The following GCNT2 variants were observed in gnomAD, a reference collection of about 807,000 sequenced individuals.
GCNT2 encodes the protein N-acetyllactosaminide beta-1,6-N-acetylglucosaminyl-transferase.
GCNT2 carries 34 observed loss-of-function variants against 34.2 expected under a neutral mutation model. The ratio of observed to expected loss-of-function variants is 1.00; its 90% CI spans 0.76 to 1.32. GCNT2 has a LOEUF of 1.32. Among genes scored for constraint, GCNT2 ranks in the 40% most tolerant of loss-of-function variants. The pLI is 0.00. For missense variants in GCNT2, 584 were observed against 489.4 expected (o/e 1.19, Z -1.82); for synonymous variants, 212 against 188.0 (o/e 1.13, Z -1.04).
At chr6:10,569,882 T>TCCTTCCTTC (rs1763471518) in intron 3 of GCNT2, among the ~76,000 whole-genome samples, 1 of 150,706 alleles carries the variant, frequency 6.6e-6, no homozygotes, top group African/African-American at 2.5e-5. Flanking sequence ...TCTTTCTCTT[T>TCCTTCCTTC]CTTTTTCTTT....
In GCNT2 at chr6:10,529,702, C is replaced by T. The variant is rs769855709; in HGVS notation, c.791C>T (p.Thr264Met). 7.4e-6 allele frequency: 12 copies of T among 1,613,968 alleles called. No homozygotes were observed. Among genetic ancestry groups the T allele is most frequent in the Middle Eastern group, 3.3e-4 (2 of 6,084 alleles). Residue 264 changes from threonine (T) to methionine (M), a missense_variant, in exon 3 of 5, where the codon ACG becomes ATG. Thr to Met is a moderately conservative substitution (Grantham distance 81, BLOSUM62 -1). Transcript: ENST00000495262. ...CATGACATGGTGATTTACTTTGGCA[C>T]GGCCTACGTGGCTCTCACAAGGGAC... ...PPHDMVIYFGTAYVALTRDFA... is the reference protein window; with the variant it reads ...PPHDMVIYFGMAYVALTRDFA...
intron 1 of GCNT2, among the ~76,000 whole-genome samples, chr6:10,525,198 A>C (rs1761127486): frequency 6.6e-6 from 1 of 152,210 alleles, no homozygotes; most frequent in African/African-American, 2.4e-5. Flanking sequence ...ATTAGTTTAC[A>C]TCCTGGAGAG....
chr6:10,535,409 T>C (rs529424882), intron 3 of GCNT2, among the ~76,000 whole-genome samples: 2 of 152,332 alleles, frequency 1.3e-5, no homozygotes, highest in South Asian at 4.1e-4. Flanking sequence ...CTTCCGTCTT[T>C]TACCCTTAAT....
At chr6:10,563,163 TAAAC>T (rs373928350) in intron 3 of GCNT2, among the ~76,000 whole-genome samples, 30 of 151,672 alleles carry the variant, frequency 2.0e-4, no homozygotes, top group African/African-American at 4.1e-4. Flanking sequence ...TCCAAGAAAA[TAAAC>T]AAATAAGCAC....
At chr6:10,525,616 TGAAAAA>T (rs1561774290) in intron 1 of GCNT2, among the ~76,000 whole-genome samples, 1 of 152,206 alleles carries the variant, frequency 6.6e-6, no homozygotes, top group Non-Finnish European at 1.5e-5. Flanking sequence ...ACTGGGTTGA[TGAAAAA>T]GGAAATAGGT....
Position 10,627,690 on chromosome 6 carries a change from CATA to C in GCNT2, c.*1085_*1087del, listed in dbSNP as rs988735941. The C allele has an allele frequency of 1.3e-4, 20 of 152,108 alleles. No individual in the cohort carries two copies. The highest frequency in any genetic ancestry group is 4.6e-4 in the African/African-American group (19 of 41,406). 9.4% of individuals were successfully genotyped at this position (152,108 alleles called of 1,614,324 possible). ...GACATGTACTGAGACAAAAAGGAAA[CATA>C]AGAGCTTTTTCACTCTAAAAATCTT... On this transcript the variant is annotated 3_prime_UTR_variant, in exon 5 of 5. Coordinates refer to ENST00000495262, the MANE Select transcript of GCNT2 (RefSeq NM_145649.5).
chr6:10,539,385 C>T (rs1423770315), intron 3 of GCNT2, among the ~76,000 whole-genome samples: 1 of 151,796 alleles, frequency 6.6e-6, no homozygotes, highest in Non-Finnish European at 1.5e-5. Flanking sequence ...GACGGGGTTT[C>T]TCCATGTTGG....
chr6:10,578,280 CTG>C, intron 3 of GCNT2, among the ~76,000 whole-genome samples: 1 of 151,170 alleles, frequency 6.6e-6, no homozygotes, highest in South Asian at 2.1e-4. Flanking sequence ...ACTCTGGAGT[CTG>C]AGGCAGGAGA....
At chr6:10,597,330 T>C (rs1764901682) in intron 3 of GCNT2, among the ~76,000 whole-genome samples, 2 of 152,002 alleles carry the variant, frequency 1.3e-5, no homozygotes, top group Admixed American at 1.3e-4. Context: ...GAATTTTTTG[T>C]ATTTTTAGTA....
At chr6:10,522,875 G>A (rs1349796489) in intron 1 of GCNT2, among the ~76,000 whole-genome samples, 7 of 152,162 alleles carry the variant, frequency 4.6e-5, no homozygotes, top group African/African-American at 1.7e-4. Context: ...CCCATTTATA[G>A]AATACACTCA....
intron 1 of GCNT2, among the ~76,000 whole-genome samples, chr6:10,523,698 C>T (rs1322876011): frequency 2.0e-5 from 3 of 151,910 alleles, no homozygotes; most frequent in African/African-American, 4.8e-5. Flanking sequence ...CAAGGCCGGG[C>T]GCTGTGGCTC....
In GCNT2 at chr6:10,532,209, G is replaced by C. The variant is rs182057710; in HGVS notation, c.925+2373G>C. On this transcript the variant is annotated intron_variant, in intron 3 of 4. Coordinates refer to ENST00000495262, the MANE Select transcript of GCNT2 (RefSeq NM_145649.5). ...CTCAGAGTCTGTGATCCTAATCAGG[G>C]GACTCAACAGAAACTTAAGGGAAAC... Among the ~76,000 whole-genome samples, 21 of 152,100 alleles carry C rather than the reference G, an allele frequency of 1.4e-4. No individual in the cohort carries two copies. The East Asian group carries it at 4.1e-3, about 29-fold the overall frequency.
At chr6:10,577,936 T>C (rs543780616) in intron 3 of GCNT2, among the ~76,000 whole-genome samples, 1 of 152,276 alleles carries the variant, frequency 6.6e-6, no homozygotes, top group South Asian at 2.1e-4. Context: ...ATAACACTTA[T>C]TCCTTGATTT....
At chr6:10,543,844 C>T (rs1210714238) in intron 3 of GCNT2, among the ~76,000 whole-genome samples, 2 of 152,112 alleles carry the variant, frequency 1.3e-5, no homozygotes, top group Admixed American at 6.5e-5. Flanking sequence ...TGCCCAAGGA[C>T]GCCCAGCTAG....
In GCNT2 at chr6:10,546,080, C is replaced by T. The variant is rs1285363239; in HGVS notation, c.925+16244C>T. Among the ~76,000 whole-genome samples the T allele has an allele frequency of 2.6e-5, 4 of 152,154 alleles. No individual in the cohort carries two copies. In the East Asian group the frequency reaches 5.8e-4, roughly 22 times the overall value. On this transcript the variant is annotated intron_variant, in intron 3 of 4. Coordinates refer to ENST00000495262, the MANE Select transcript of GCNT2 (RefSeq NM_145649.5). ...GCCTCTTTTGCTGTTCTTTATGCCT[C>T]ACTGCTGAGCTTCCCTGCCATGTCT...
rs769588229 is a variant in GCNT2, at chr6:10,626,404, C to A, written c.1019-13C>A. 1 of 1,600,378 alleles carries A rather than the reference C, an allele frequency of 6.2e-7. No homozygotes were observed. Among genetic ancestry groups the A allele is most frequent in the Admixed American group, 1.7e-5 (1 of 59,966 alleles). ...GCATGTTTTGACTCTGTTTCTTGTT[C>A]TTTCTTTTGCAGGCCACTATGTACA... On this transcript the variant is annotated splice_polypyrimidine_tract_variant and intron_variant, in intron 4 of 4. Transcript: ENST00000495262.
intron 3 of GCNT2, among the ~76,000 whole-genome samples, chr6:10,547,443 T>C (rs918735859): frequency 6.6e-6 from 1 of 152,222 alleles, no homozygotes; most frequent in Admixed American, 6.5e-5. Context: ...TCAGTCTGTC[T>C]TTGTCTTCCA....
chr6:10,565,420 C>T (rs971199908), intron 3 of GCNT2, among the ~76,000 whole-genome samples: 3 of 152,104 alleles, frequency 2.0e-5, no homozygotes, highest in Non-Finnish European at 4.4e-5. Flanking sequence ...GCTGCAAGTC[C>T]GCCTTTCTTC....
chr6:10,615,395 G>T (rs1049919905), intron 3 of GCNT2, among the ~76,000 whole-genome samples: 1 of 152,146 alleles, frequency 6.6e-6, no homozygotes, highest in Non-Finnish European at 1.5e-5. Context: ...GCTCACTGCA[G>T]CCTTGACCTC....
Sources: allele counts gnomAD v4.1 joint callset (sites outside exome capture counted in the v4.1 genomes callset), GRCh38; gene constraint gnomAD v4.1.1; transcripts MANE v1.5; gene names NCBI Gene and HGNC (gene_info 2026-07-23, HGNC 2026-07-21).